KCNMB4: variants seen among roughly 807,000 people sequenced by gnomAD.
KCNMB4 encodes calcium-activated potassium channel subunit beta-4.
In KCNMB4, 3 loss-of-function variants were observed where a neutral mutation model predicts 20.7. That is an observed-to-expected ratio of 0.14 (90% confidence interval 0.07 to 0.37). The LOEUF is 0.37. Ranked by LOEUF, KCNMB4 falls within the 10% of genes least tolerant of loss-of-function variation. The probability of loss-of-function intolerance (pLI) is 1.00; values close to 1 mark genes in which losing one functional copy is unlikely to be tolerated. For missense variants in KCNMB4, 168 were observed against 265.9 expected (o/e 0.63, Z 2.56); for synonymous variants, 110 against 113.4 (o/e 0.97, Z 0.19).
Position 70,366,935 on chromosome 12 carries a change from G to A in KCNMB4, c.201G>A (p.Glu67=). ...TGCAGCAGATCGGCGAGGTGTTCGA[G>A]TGCACCTTCACCTGTGGCGCCGACT... is the stretch of plus-strand genomic sequence containing the variant. ...LSVQQIGEVF[E]CTFTCGADCR... is the part of the protein sequence containing the mutation. Residue 67 remains glutamate, a synonymous_variant, in exon 1 of 3, where the codon GAG becomes GAA. Transcript: ENST00000258111. The A allele has an allele frequency of 6.2e-7, 1 of 1,612,760 alleles. No individual in the cohort carries two copies. Among genetic ancestry groups the A allele is most frequent in the Non-Finnish European group, 8.5e-7 (1 of 1,179,528 alleles).
At chr12:70,409,810 A>C (rs1868718655) in intron 2 of KCNMB4, among the ~76,000 whole-genome samples, 1 of 152,206 alleles carries the variant, frequency 6.6e-6, no homozygotes, top group South Asian at 2.1e-4. Context: ...TGCAGCAAAA[A>C]AGAGCTTGGT....
intron 2 of KCNMB4, among the ~76,000 whole-genome samples, chr12:70,421,051 CAAA>C (rs5798982): frequency 3.2e-4 from 38 of 119,858 alleles, no homozygotes; most frequent in African/African-American, 8.4e-4. Flanking sequence ...GACTCCGTCT[CAAA>C]AAAAAAAAAA....
chr12:70,407,778 T>C (rs968874671), intron 2 of KCNMB4, among the ~76,000 whole-genome samples: 1 of 152,150 alleles, frequency 6.6e-6, no homozygotes, highest in Non-Finnish European at 1.5e-5. Context: ...GAGGTGGTGC[T>C]GAATTCTAAT....
At chr12:70,393,272 G>A (rs1305321313) in intron 1 of KCNMB4, among the ~76,000 whole-genome samples, 2 of 151,828 alleles carry the variant, frequency 1.3e-5, no homozygotes, top group African/African-American at 2.4e-5. Flanking sequence ...GCGCGATCTC[G>A]GCTCACTACA....
chr12:70,422,613 C>T, intron 2 of KCNMB4: 2 of 972,192 alleles, frequency 2.1e-6, no homozygotes, highest in Non-Finnish European at 2.8e-6. Context: ...TTAATAAAGC[C>T]TTTTTGTGCC....
intron 2 of KCNMB4, among the ~76,000 whole-genome samples, chr12:70,420,614 G>A (rs540984800): frequency 6.6e-6 from 1 of 152,298 alleles, no homozygotes; most frequent in South Asian, 2.1e-4. Context: ...GCAAACCTCT[G>A]ACCTCCAGAA....
intron 1 of KCNMB4, among the ~76,000 whole-genome samples, chr12:70,389,922 G>C (rs78727697): frequency 8.9e-4 from 135 of 152,168 alleles, no homozygotes; most frequent in African/African-American, 2.4e-3. Flanking sequence ...AGAATTTGTA[G>C]GCCCATGTAT....
intron 1 of KCNMB4, among the ~76,000 whole-genome samples, chr12:70,381,755 A>AG (rs1299249858): frequency 6.6e-6 from 1 of 152,218 alleles, no homozygotes; most frequent in Non-Finnish European, 1.5e-5. Context: ...TAAAGGGTAC[A>AG]GGGGTCTTTT....
intron 1 of KCNMB4, among the ~76,000 whole-genome samples, chr12:70,379,303 G>C (rs1369597382): frequency 6.6e-6 from 1 of 152,214 alleles, no homozygotes; most frequent in Non-Finnish European, 1.5e-5. Context: ...TTCCAATAGA[G>C]GGCTGTTTCA....
intron 1 of KCNMB4, among the ~76,000 whole-genome samples, chr12:70,385,948 A>G (rs564835428): frequency 6.6e-6 from 1 of 152,322 alleles, no homozygotes; most frequent in South Asian, 2.1e-4. Flanking sequence ...CTTTAATCCT[A>G]CTTTGAACTA....
intron 2 of KCNMB4, among the ~76,000 whole-genome samples, chr12:70,411,917 A>C (rs1868789871): frequency 6.6e-6 from 1 of 152,132 alleles, no homozygotes; most frequent in South Asian, 2.1e-4. Flanking sequence ...TAGAAAGATG[A>C]GTCTAGTGGC....
At chr12:70,378,540 A>G (rs1883727904) in intron 1 of KCNMB4, among the ~76,000 whole-genome samples, 1 of 151,668 alleles carries the variant, frequency 6.6e-6, no homozygotes, top group Admixed American at 6.6e-5. Context: ...TTTTTATTTT[A>G]TTTATTTACT....
At position 70,432,229 on chromosome 12, in the gene KCNMB4, AC is replaced by A. The variant is rs1453778142; in HGVS notation, c.*1578del. 1 of 151,956 alleles carries A rather than the reference AC, an allele frequency of 6.6e-6. No individual in the cohort carries two copies. Among genetic ancestry groups the A allele is most frequent in the African/African-American group, 2.4e-5 (1 of 41,314 alleles). The allele number at this position is 151,956 out of a possible 1,614,324, so 9.4% of individuals were successfully genotyped here. A position where few individuals can be genotyped will look rare whatever the true frequency, so the allele number is the denominator to read the frequency against. On this transcript the variant is annotated 3_prime_UTR_variant, in exon 3 of 3. Transcript: ENST00000258111. ...GTATTTTTAGTAGAGACGGGGTTTC[AC>A]CGTGTTAGCCAGGATGGTCTCAATC...
chr12:70,428,212 T>G (rs1347035938), intron 2 of KCNMB4, among the ~76,000 whole-genome samples: 3 of 152,160 alleles, frequency 2.0e-5, no homozygotes, highest in African/African-American at 7.2e-5. Context: ...CAGGCTGGTC[T>G]TGAACTCCTC....
intron 1 of KCNMB4, among the ~76,000 whole-genome samples, chr12:70,382,743 C>T (rs1883813018): frequency 6.6e-6 from 1 of 152,146 alleles, no homozygotes; most frequent in African/African-American, 2.4e-5. Flanking sequence ...CAATAAAAGA[C>T]CATCTCTTCA....
chr12:70,391,840 A>G (rs1327001183), intron 1 of KCNMB4, among the ~76,000 whole-genome samples: 1 of 152,208 alleles, frequency 6.6e-6, no homozygotes, highest in Non-Finnish European at 1.5e-5. Flanking sequence ...GCTGTAATCA[A>G]TGGCTCATTT....
At chr12:70,375,598 C>T (rs971734995) in intron 1 of KCNMB4, among the ~76,000 whole-genome samples, 4 of 152,040 alleles carry the variant, frequency 2.6e-5, no homozygotes, top group Non-Finnish European at 5.9e-5. Context: ...GTGATCATAC[C>T]ACTGTAATCC....
In KCNMB4 at chr12:70,384,873, CAAAAAAAAAAAAA is replaced by C. The variant is rs57306622; in HGVS notation, c.337-15325_337-15313del. Among the ~76,000 whole-genome samples the C allele has an allele frequency of 4.8e-3, 360 of 74,334 alleles. 2 individuals are homozygous for C. Among genetic ancestry groups the C allele is most frequent in the African/African-American group, 0.016 (309 of 19,432 alleles). The allele number at this position is 74,334 out of a possible 152,430, so 48.8% of individuals were successfully genotyped here. A position where few individuals can be genotyped will look rare whatever the true frequency, so the allele number is the denominator to read the frequency against. ...TGAGCAACACAGTGAGACCCTGTCTCAAAAAAAAAAAAAAAAAAAAAAAGAAGAAAAAGAAAGA... is the reference window on the plus strand; with the variant it reads ...TGAGCAACACAGTGAGACCCTGTCTCAAAAAAAAAAGAAGAAAAAGAAAGA... On this transcript the variant is annotated intron_variant, in intron 1 of 2. Transcript: ENST00000258111.
intron 1 of KCNMB4, among the ~76,000 whole-genome samples, chr12:70,380,765 C>A (rs186521948): frequency 7.9e-5 from 12 of 152,146 alleles, no homozygotes; most frequent in African/African-American, 2.9e-4. Context: ...AGCTGAATAT[C>A]CACATGCCAA....
Sources: allele counts gnomAD v4.1 joint callset (sites outside exome capture counted in the v4.1 genomes callset), GRCh38; gene constraint gnomAD v4.1.1; transcripts MANE v1.5; gene names NCBI Gene and HGNC (gene_info 2026-07-23, HGNC 2026-07-21).